The following SLC2A2 variants were observed in gnomAD, a reference collection of about 807,000 sequenced individuals.
SLC2A2 encodes solute carrier family 2, facilitated glucose transporter member 2.
In SLC2A2, 36 loss-of-function variants were observed where a neutral mutation model predicts 54.5. That is an observed-to-expected ratio of 0.66 (90% CI 0.51 to 0.87). SLC2A2 has a LOEUF of 0.87. Ranked by LOEUF, SLC2A2 falls within the 40% of genes least tolerant of loss-of-function variation. The pLI is 0.00. For synonymous variants in SLC2A2, 223 were observed against 219.1 expected, an observed-to-expected ratio of 1.02 and a Z score of -0.16; for missense variants, 543 against 624.3, an observed-to-expected ratio of 0.87 and a Z score of 1.39.
chr3:171,022,190 A>G (rs1716494599), intron 1 of SLC2A2, among the ~76,000 whole-genome samples: 2 of 152,216 alleles, frequency 1.3e-5, no homozygotes, highest in Non-Finnish European at 2.9e-5. Flanking sequence ...CAGTTAGTAA[A>G]TTAAAGAACA....
chr3:170,998,696 G>T (rs530475005), intron 9 of SLC2A2, among the ~76,000 whole-genome samples: 16 of 152,224 alleles, frequency 1.1e-4, no homozygotes, highest in African/African-American at 3.1e-4. Flanking sequence ...TTAGCTCCCT[G>T]TGAAGTAGTG....
chr3:170,999,444 T>TA (rs777414310), intron 8 of SLC2A2, among the ~76,000 whole-genome samples: 1 of 152,104 alleles, frequency 6.6e-6, no homozygotes, highest in Non-Finnish European at 1.5e-5. Flanking sequence ...ACCATAATGT[T>TA]ACCACTACTC....
At chr3:170,998,137 C>T (rs1715178377) in intron 10 of SLC2A2, 34 bp from the exon 11 acceptor site, 3 of 1,613,196 alleles carry the variant, frequency 1.9e-6, no homozygotes, top group Non-Finnish European at 2.5e-6. Context: ...TTTGAGTTAG[C>T]AGTTTTTTGA....
chr3:170,998,064 C>T lies in SLC2A2; in HGVS notation c.1414G>A (p.Val472Met), dbSNP rs769037887. 1 of 1,613,632 alleles carries T rather than the reference C, an allele frequency of 6.2e-7. No individual in the cohort carries two copies. Among genetic ancestry groups the T allele is most frequent in the Admixed American group, 1.7e-5 (1 of 59,874 alleles). Residue 472 changes from valine to methionine, a missense_variant, in exon 11 of 11, where the codon GTG (valine) becomes ATG (methionine). By Grantham distance (21) the Val-to-Met change is conservative. This residue lies in a region of SLC2A2 where 108 missense variants were observed against 101.3 expected (regional missense o/e 1.07). Coordinates refer to ENST00000314251, the MANE Select transcript of SLC2A2 (RefSeq NM_000340.2). ...GTGAACAGGGTAAAGGCCAGGAGCA[C>T]TCCAGCAAAGAGGAAAAACACATAA... Reference protein sequence around the residue: ...GPYVFFLFAGVLLAFTLFTFF... With the variant: ...GPYVFFLFAGMLLAFTLFTFF...
chr3:171,007,841 T>C lies in SLC2A2; in HGVS notation c.497-578A>G, dbSNP rs1715683172. On this transcript the variant is annotated intron_variant, in intron 4 of 10. Transcript: ENST00000314251. ...AGAAGAGGTTAAGGATCTTAAGGAC[T>C]CTTCCCCAGTTAGAAACCAGGGAAA... is the stretch of plus-strand genomic sequence containing the variant. 2.6e-5 allele frequency among the ~76,000 whole-genome samples: 4 copies of C among 152,186 alleles called. No homozygotes were observed. In the South Asian group the frequency reaches 8.3e-4, roughly 32 times the overall value.
At chr3:171,000,597 C>T (rs1167186101) in intron 8 of SLC2A2, among the ~76,000 whole-genome samples, 2 of 152,094 alleles carry the variant, frequency 1.3e-5, no homozygotes, top group African/African-American at 2.4e-5. Flanking sequence ...GCTTCTTTCT[C>T]AGTGTCATCC....
chr3:170,996,635 T>G lies in SLC2A2; in HGVS notation c.*1268A>C. 2.5e-6 allele frequency: 1 copy of G among 398,052 alleles called. No homozygotes were observed. The highest frequency in any genetic ancestry group is 4.4e-6 in the Non-Finnish European group (1 of 225,666). The allele number at this position is 398,052 out of a possible 1,614,324, so 24.7% of individuals were successfully genotyped here. A position where few individuals can be genotyped will look rare whatever the true frequency, so the allele number is the denominator to read the frequency against. On this transcript the variant is annotated 3_prime_UTR_variant, in exon 11 of 11. Coordinates refer to ENST00000314251, the MANE Select transcript of SLC2A2 (RefSeq NM_000340.2). ...AATTGACTGTAAGCTAAAGTCTGTT[T>G]AATCATCTGTGTATTTCCAATTTGC...
At chr3:171,009,837 T>C in intron 4 of SLC2A2, 121 bp downstream of exon 4, 1 of 1,381,272 alleles carries the variant, frequency 7.2e-7, no homozygotes, top group Non-Finnish European at 9.8e-7. Flanking sequence ...TTTCCCTCTG[T>C]GATGTCACCC....
chr3:171,014,716 A>G lies in SLC2A2; in HGVS notation c.124T>C (p.Tyr42His). The stretch of plus-strand genomic sequence containing the variant: ...AGTGGAACACCCAAAACATGTCTAT[A>G]GTGAGATATTATTACCTAGGAGATA... Reference protein sequence around the residue: ...NAPQQVIISHYRHVLGVPLDD... With the variant: ...NAPQQVIISHHRHVLGVPLDD... The change falls in exon 3 of 11, where the codon TAT becomes CAT. Residue 42 changes from tyrosine (Y) to histidine (H), a missense_variant. This residue lies in a region of SLC2A2 where 318 missense variants were observed against 343.8 expected (regional missense o/e 0.93). Transcript: ENST00000314251. 6.2e-7 allele frequency: 1 copy of G among 1,612,958 alleles called. No homozygotes were observed. Among genetic ancestry groups the G allele is most frequent in the Non-Finnish European group, 8.5e-7 (1 of 1,178,898 alleles).
chr3:171,008,124 A>G (rs1009633289), intron 4 of SLC2A2, among the ~76,000 whole-genome samples: 4 of 152,138 alleles, frequency 2.6e-5, no homozygotes, highest in Admixed American at 1.3e-4. Context: ...CTATTTAAAA[A>G]TAGGATTTGC....
At chr3:171,016,819 C>T (rs1005351230) in intron 2 of SLC2A2, among the ~76,000 whole-genome samples, 5 of 151,172 alleles carry the variant, frequency 3.3e-5, no homozygotes, top group East Asian at 3.9e-4. Flanking sequence ...CCTAAGCTTC[C>T]GTCTAAGACT....
intron 9 of SLC2A2, 36 bp downstream of exon 9, chr3:170,999,029 G>T: frequency 2.3e-6 from 3 of 1,326,002 alleles, no homozygotes; most frequent in African/African-American, 1.4e-5. Flanking sequence ...ACCATCATAT[G>T]TTAATGAAAA....
chr3:171,018,758 C>T, intron 1 of SLC2A2, 135 bp from the exon 2 acceptor site: 1 of 697,192 alleles, frequency 1.4e-6, no homozygotes, highest in Non-Finnish European at 2.6e-6. Context: ...TGCAGTATGC[C>T]CTGTGCTCCA....
At chr3:171,017,518 A>G (rs571049210) in intron 2 of SLC2A2, among the ~76,000 whole-genome samples, 1 of 152,346 alleles carries the variant, frequency 6.6e-6, no homozygotes, top group South Asian at 2.1e-4. Flanking sequence ...TAAAAGAAGC[A>G]GAGGAAATAT....
At chr3:171,020,652 G>T (rs1285430411) in intron 1 of SLC2A2, among the ~76,000 whole-genome samples, 1 of 152,086 alleles carries the variant, frequency 6.6e-6, no homozygotes, top group Admixed American at 6.6e-5. Context: ...AGGGACTGAG[G>T]TGGGCAGATG....
Position 171,005,944 on chromosome 3 carries a change from T to G in SLC2A2, c.774A>C (p.Gln258His), listed in dbSNP as rs1560035230. Residue 258 changes from glutamine to histidine, a missense_variant and splice_region_variant, in exon 6 of 11, where the codon CAA (glutamine) becomes CAC (histidine). By Grantham distance (24) the Gln-to-His change is conservative (BLOSUM62 0). Around this residue, in one of 3 missense-constraint regions of SLC2A2, gnomAD observed 318 missense variants for 343.8 expected, o/e 0.93. Transcript: ENST00000314251. ...AAGAAAAACCATCCACAGACTTACTTTGTTTTGCTTTGACTTCCTCATCTA... is the reference window on the plus strand; with the variant it reads ...AAGAAAAACCATCCACAGACTTACTGTGTTTTGCTTTGACTTCCTCATCTA... ...IKLDEEVKAK[Q>H]SLKRLRGYDD... 6.2e-7 allele frequency: 1 copy of G among 1,612,012 alleles called. No homozygotes were observed. Among genetic ancestry groups the G allele is most frequent in the Non-Finnish European group, 8.5e-7 (1 of 1,178,526 alleles).
intron 3 of SLC2A2, among the ~76,000 whole-genome samples, chr3:171,013,336 TATTTTAC>T (rs1715976717): frequency 6.6e-6 from 1 of 152,156 alleles, no homozygotes; most frequent in African/African-American, 2.4e-5. Context: ...TATTAATCCG[TATTTTAC>T]AGATTCGTAT....
rs993283861 is a variant in SLC2A2, at chr3:170,997,820, T to C, written c.*83A>G. On this transcript the variant is annotated 3_prime_UTR_variant, in exon 11 of 11. Coordinates refer to ENST00000314251, the MANE Select transcript of SLC2A2 (RefSeq NM_000340.2). ...ATAAAACAATACTTAAAGATGTGGA[T>C]ATAAAATGCTCAAGGAATCATCATT... 4 of 1,067,634 alleles carry C rather than the reference T, an allele frequency of 3.7e-6. No homozygotes were observed. The highest frequency in any genetic ancestry group is 1.3e-5 in the South Asian group (1 of 74,690). The allele number at this position is 1,067,634 out of a possible 1,614,324, so 66.1% of individuals were successfully genotyped here. A position where few individuals can be genotyped will look rare whatever the true frequency, so the allele number is the denominator to read the frequency against.
chr3:170,998,172 G>T, intron 10 of SLC2A2, 21 bp downstream of exon 10: 1 of 1,613,406 alleles, frequency 6.2e-7, no homozygotes, highest in South Asian at 1.1e-5. Context: ...CAGTAAATCT[G>T]TGGAATATTA....
Sources: gnomAD v4.1 joint callset for allele counts (sites outside exome capture counted in the v4.1 genomes callset) on GRCh38, gnomAD v4.1.1 for gene constraint, gnomAD v4.1.1 regional missense constraint, MANE v1.5 for transcripts, NCBI Gene and HGNC (gene_info 2026-07-23, HGNC 2026-07-21) for gene names.